THSD4: variants seen among roughly 807,000 people sequenced by gnomAD.
THSD4 encodes thrombospondin type-1 domain-containing protein 4.
In THSD4, 69 loss-of-function variants were observed where a neutral mutation model predicts 119.0. The ratio of observed to expected loss-of-function variants is 0.58; its 90% CI spans 0.48 to 0.71. THSD4 has a LOEUF of 0.71. Among genes scored for constraint, THSD4 ranks in the 30% least tolerant of loss-of-function variants. The pLI is 0.00. For synonymous variants in THSD4, 524 were observed against 540.4 expected, an observed-to-expected ratio of 0.97 and a Z score of 0.42; for missense variants, 1,393 against 1,391.1, an observed-to-expected ratio of 1.00 and a Z score of -0.02.
chr15:71,364,262 C>CT (rs1455053337), intron 6 of THSD4, among the ~76,000 whole-genome samples: 3 of 152,186 alleles, frequency 2.0e-5, no homozygotes, highest in Admixed American at 6.5e-5. Context: ...ACCCATCGTT[C>CT]TTGCAACACT....
chr15:71,447,517 T>C (rs1027788985), intron 7 of THSD4, among the ~76,000 whole-genome samples: 10 of 152,190 alleles, frequency 6.6e-5, no homozygotes, highest in Non-Finnish European at 1.3e-4. Flanking sequence ...TCTCTTCCTT[T>C]TGATGCCTTC....
intron 7 of THSD4, among the ~76,000 whole-genome samples, chr15:71,422,846 C>G (rs941880233): frequency 2.0e-5 from 3 of 152,118 alleles, no homozygotes; most frequent in African/African-American, 4.8e-5. Context: ...AGTCAGAAAC[C>G]TAGGAATCAA....
At chr15:71,715,929 T>C (rs1299253003) in intron 8 of THSD4, among the ~76,000 whole-genome samples, 1 of 151,998 alleles carries the variant, frequency 6.6e-6, no homozygotes, top group Non-Finnish European at 1.5e-5. Context: ...AATTAGATAA[T>C]AGGGATGTGT....
chr15:71,703,893 A>G (rs945586548), intron 8 of THSD4, among the ~76,000 whole-genome samples: 12 of 152,162 alleles, frequency 7.9e-5, no homozygotes, highest in Non-Finnish European at 1.6e-4. Flanking sequence ...TCTGTCGCCC[A>G]GGCTGGAGTG....
At chr15:71,459,948 A>G (rs751638196) in intron 7 of THSD4, among the ~76,000 whole-genome samples, 26 of 152,072 alleles carry the variant, frequency 1.7e-4, no homozygotes, top group Middle Eastern at 3.4e-3. Context: ...CTTATGCCAC[A>G]CTCAACCATA....
At chr15:71,328,361 A>C (rs2045374222) in intron 6 of THSD4, among the ~76,000 whole-genome samples, 3 of 152,204 alleles carry the variant, frequency 2.0e-5, no homozygotes. Context: ...GGAAAAGCAC[A>C]ATCTCACTTT....
chr15:71,605,210 C>G (rs1358685231), intron 7 of THSD4, among the ~76,000 whole-genome samples: 2 of 152,124 alleles, frequency 1.3e-5, no homozygotes, highest in African/African-American at 4.8e-5. Flanking sequence ...TGACAGGGAC[C>G]AGACCGTGCA....
chr15:71,294,923 T>TAAAAAAA (rs10656605), intron 6 of THSD4, among the ~76,000 whole-genome samples: 1 of 138,158 alleles, frequency 7.2e-6, no homozygotes, highest in Non-Finnish European at 1.5e-5. Context: ...CTCACAGCTG[T>TAAAAAAA]AAAAAAAAAA....
At chr15:71,385,494 G>A (rs2046283661) in intron 6 of THSD4, among the ~76,000 whole-genome samples, 1 of 152,162 alleles carries the variant, frequency 6.6e-6, no homozygotes, top group Non-Finnish European at 1.5e-5. Context: ...CCACATGACT[G>A]GACACTTATG....
At chr15:71,734,827 A>T (rs2053050815) in intron 10 of THSD4, among the ~76,000 whole-genome samples, 1 of 137,930 alleles carries the variant, frequency 7.3e-6, no homozygotes, top group South Asian at 2.3e-4. Context: ...AAAGCCTATT[A>T]AAAAAAAAAA....
chr15:71,743,880 G>C (rs749006170), intron 11 of THSD4, among the ~76,000 whole-genome samples: 8 of 152,228 alleles, frequency 5.3e-5, no homozygotes, highest in Non-Finnish European at 5.9e-5. Context: ...AGTTAAAATT[G>C]TAAGGAGTTG....
chr15:71,507,119 C>G (rs2048202093), intron 7 of THSD4, among the ~76,000 whole-genome samples: 1 of 152,166 alleles, frequency 6.6e-6, no homozygotes, highest in African/African-American at 2.4e-5. Flanking sequence ...TCGGGCTGCC[C>G]CCAGGGGAGG....
chr15:71,665,959 T>C (rs775553652), intron 8 of THSD4, among the ~76,000 whole-genome samples: 1 of 152,260 alleles, frequency 6.6e-6, no homozygotes, highest in Non-Finnish European at 1.5e-5. Flanking sequence ...CTTGTTCTTT[T>C]TGCTTAGGAT....
chr15:71,339,055 G>A (rs976431134), intron 6 of THSD4, among the ~76,000 whole-genome samples: 7 of 152,070 alleles, frequency 4.6e-5, no homozygotes, highest in South Asian at 2.1e-4. Context: ...CCATCTCTGC[G>A]GCCTCGCCTC....
chr15:71,736,570 A>C (rs1194565892), intron 10 of THSD4, among the ~76,000 whole-genome samples: 1 of 103,794 alleles, frequency 9.6e-6, no homozygotes, highest in African/African-American at 3.8e-5. Flanking sequence ...TCTCTTTCTT[A>C]CTCTGTTTCT....
chr15:71,112,388 G>T (rs564404654), upstream of THSD4: 193 of 632,870 alleles, frequency 3.0e-4, no homozygotes, highest in South Asian at 2.4e-3. Flanking sequence ...TACATAGACA[G>T]AACTGACACA....
chr15:71,405,590 C>T (rs12908697), intron 6 of THSD4, among the ~76,000 whole-genome samples: 67,891 of 152,016 alleles, frequency 0.45, 16,982 homozygotes, highest in Middle Eastern at 0.63. Context: ...ACTGTTGATT[C>T]GTAGTAAGTT....
chr15:71,732,859 ATTC>A (rs1267479102), intron 10 of THSD4: 2 of 152,196 alleles, frequency 1.3e-5, no homozygotes, highest in Non-Finnish European at 2.9e-5. Context: ...CGCCCCATCC[ATTC>A]TTCTCTGAAC....
intron 7 of THSD4, among the ~76,000 whole-genome samples, chr15:71,650,763 G>A (rs564505491): frequency 2.6e-5 from 4 of 152,210 alleles, no homozygotes; most frequent in African/African-American, 9.6e-5. Context: ...TCCTCACTTG[G>A]GGCTGACGCC....
Sources: allele counts gnomAD v4.1 joint callset (sites outside exome capture counted in the v4.1 genomes callset), GRCh38; gene constraint gnomAD v4.1.1; transcripts MANE v1.5; gene names NCBI Gene and HGNC (gene_info 2026-07-23, HGNC 2026-07-21).